The following CYTH1 variants were observed in gnomAD, a reference collection of about 807,000 sequenced individuals.
The protein encoded by CYTH1 is cytohesin 1.
In CYTH1, 18 loss-of-function variants were observed where a neutral mutation model predicts 61.8. The observed-to-expected ratio is 0.29, with a 90% confidence interval of 0.20 to 0.43. CYTH1 has a LOEUF of 0.43. CYTH1 is among the 20% of genes least tolerant of loss of function. CYTH1 has a pLI of 1.00. For missense variants in CYTH1, 336 were observed against 510.5 expected, an observed-to-expected ratio of 0.66 and a Z score of 3.29; for synonymous variants, 174 against 184.3, an observed-to-expected ratio of 0.94 and a Z score of 0.45.
chr17:78,763,473 C>A (rs111267636), intron 1 of CYTH1, among the ~76,000 whole-genome samples: 3 of 152,070 alleles, frequency 2.0e-5, no homozygotes, highest in Non-Finnish European at 4.4e-5. Flanking sequence ...CAAGACCCCC[C>A]ACGGATGCCT....
intron 1 of CYTH1, among the ~76,000 whole-genome samples, chr17:78,756,318 C>T (rs950107375): frequency 2.0e-5 from 3 of 152,006 alleles, no homozygotes; most frequent in African/African-American, 7.2e-5. Context: ...TCAAGTGATC[C>T]ACTCGCCTCG....
chr17:78,687,391 T>A (rs1052858081), intron 11 of CYTH1, among the ~76,000 whole-genome samples: 1 of 152,206 alleles, frequency 6.6e-6, no homozygotes, highest in African/African-American at 2.4e-5. Context: ...TGCCTCAACT[T>A]TAATCCAGAA....
At chr17:78,694,190 C>A (rs1357169866) in intron 10 of CYTH1, among the ~76,000 whole-genome samples, 1 of 152,212 alleles carries the variant, frequency 6.6e-6, no homozygotes, top group Non-Finnish European at 1.5e-5. Flanking sequence ...GTTTTTAGCA[C>A]CCTGCTTGGA....
chr17:78,707,704 C>A (rs12936940), intron 3 of CYTH1, among the ~76,000 whole-genome samples: 1 of 146,380 alleles, frequency 6.8e-6, no homozygotes, highest in East Asian at 2.1e-4. Context: ...TTTTTTGAGA[C>A]GGAGTCTCGC....
chr17:78,680,271 C>T lies in CYTH1; in HGVS notation c.1037G>A (p.Arg346Gln), dbSNP rs770347515. 3 of 1,614,182 alleles carry T rather than the reference C, an allele frequency of 1.9e-6. No individual in the cohort carries two copies. Among genetic ancestry groups the T allele is most frequent in the Non-Finnish European group, 2.5e-6 (3 of 1,180,042 alleles). The change falls in exon 13 of 14, where the codon CGG (arginine) becomes CAG (glutamine). Residue 346 changes from arginine to glutamine, a missense_variant. By Grantham distance (43) the Arg-to-Gln change is conservative (BLOSUM62 1). Coordinates refer to ENST00000446868, the MANE Select transcript of CYTH1 (RefSeq NM_004762.6). Reference protein sequence around the residue: ...IKACKTEADGRVVEGNHTVYR... With the variant: ...IKACKTEADGQVVEGNHTVYR... ...AACAGTGTGGTTCCCCTCCACCACC[C>T]GCCCGTCAGCCTCGGTCTTGCAGGC...
intron 1 of CYTH1, among the ~76,000 whole-genome samples, chr17:78,756,988 CTTTTTTT>C (rs869039489): frequency 4.6e-5 from 6 of 129,766 alleles, no homozygotes; most frequent in Middle Eastern, 3.9e-3. Context: ...TCTTTTTTTT[CTTTTTTT>C]TTTTTTTTTT....
chr17:78,688,098 G>A (rs1032056952), intron 11 of CYTH1, among the ~76,000 whole-genome samples: 2 of 152,206 alleles, frequency 1.3e-5, no homozygotes, highest in African/African-American at 4.8e-5. Context: ...TGGCTAGCCA[G>A]CACTTCTCTA....
chr17:78,739,892 C>G (rs1174833758), intron 1 of CYTH1, among the ~76,000 whole-genome samples: 1 of 152,068 alleles, frequency 6.6e-6, no homozygotes, highest in Admixed American at 6.5e-5. Flanking sequence ...TCAAGGGTGA[C>G]TCCGAGCTTT....
rs137956265 is a variant in CYTH1, at chr17:78,734,477, G to A, written c.23-24745C>T. ...TTTTTTAGAGACAAAGTCTCACTCTGTCACCCAGGCTGGAGTGCAGTGGTA... is the reference window on the plus strand; with the variant it reads ...TTTTTTAGAGACAAAGTCTCACTCTATCACCCAGGCTGGAGTGCAGTGGTA... On this transcript the variant is annotated intron_variant, in intron 1 of 13. Coordinates refer to ENST00000446868, the MANE Select transcript of CYTH1 (RefSeq NM_004762.6). Among the ~76,000 whole-genome samples, 731 of 107,642 alleles carry A rather than the reference G, an allele frequency of 6.8e-3. 37 individuals are homozygous for A. The East Asian group carries it at 0.14, about 21-fold the overall frequency. 70.6% of individuals were successfully genotyped at this position (107,642 alleles called of 152,430 possible).
At chr17:78,770,094 G>A (rs1387026255) in intron 1 of CYTH1, among the ~76,000 whole-genome samples, 4 of 151,488 alleles carry the variant, frequency 2.6e-5, no homozygotes, top group Admixed American at 2.0e-4. Context: ...AGGTTGCAGT[G>A]AGCCGAGATC....
chr17:78,733,972 G>A (rs549193632), intron 1 of CYTH1, among the ~76,000 whole-genome samples: 2 of 152,194 alleles, frequency 1.3e-5, no homozygotes, highest in Admixed American at 6.5e-5. Context: ...AATCAAGGCC[G>A]GGCACAGTGG....
intron 1 of CYTH1, chr17:78,723,740 G>C (rs1201753062): frequency 2.0e-5 from 3 of 152,338 alleles, no homozygotes; most frequent in Admixed American, 2.0e-4. Flanking sequence ...TGCTTTCACT[G>C]CAAGAATGCC....
At chr17:78,729,659 T>C (rs569613954) in intron 1 of CYTH1, among the ~76,000 whole-genome samples, 3 of 152,320 alleles carry the variant, frequency 2.0e-5, no homozygotes, top group South Asian at 4.1e-4. Context: ...AGAGTGGATA[T>C]GCTCCCCAAA....
intron 1 of CYTH1, among the ~76,000 whole-genome samples, chr17:78,767,690 A>C (rs1188229089): frequency 6.6e-6 from 1 of 152,020 alleles, no homozygotes. Context: ...TCAAGCCATA[A>C]TGATTGCAGT....
At chr17:78,769,176 A>C (rs536275759) in intron 1 of CYTH1, among the ~76,000 whole-genome samples, 8 of 151,980 alleles carry the variant, frequency 5.3e-5, no homozygotes, top group Non-Finnish European at 1.0e-4. Context: ...AATCAGCATA[A>C]AATATCCCTG....
intron 10 of CYTH1, among the ~76,000 whole-genome samples, chr17:78,695,261 G>A (rs900888993): frequency 2.0e-5 from 3 of 152,084 alleles, no homozygotes; most frequent in African/African-American, 4.8e-5. Context: ...ACGAGGACTC[G>A]CTGAAAAAGC....
At position 78,726,450 on chromosome 17, in the gene CYTH1, G is replaced by A. The variant is rs149999651; in HGVS notation, c.23-16718C>T. ...GGAAGACACAATGCTGAAAAGACAT[G>A]GTTTCGGCCCTCCAAGAGCTCATGT... On this transcript the variant is annotated intron_variant, in intron 1 of 13. Coordinates refer to ENST00000446868, the MANE Select transcript of CYTH1 (RefSeq NM_004762.6). Among the ~76,000 whole-genome samples the A allele has an allele frequency of 2.1e-4, 32 of 152,218 alleles. No individual in the cohort carries two copies. In the South Asian group the frequency reaches 3.9e-3, roughly 19 times the overall value.
chr17:78,690,062 C>T (rs938775697), intron 11 of CYTH1, among the ~76,000 whole-genome samples: 21 of 151,888 alleles, frequency 1.4e-4, no homozygotes, highest in African/African-American at 5.1e-4. Flanking sequence ...TAGTCTTTTG[C>T]TCTGTTAGGT....
chr17:78,729,242 G>C (rs1197478349), intron 1 of CYTH1, among the ~76,000 whole-genome samples: 1 of 151,930 alleles, frequency 6.6e-6, no homozygotes, highest in Non-Finnish European at 1.5e-5. Flanking sequence ...AGAATAGCTG[G>C]GACTATAAGT....
Sources: allele counts gnomAD v4.1 joint callset (sites outside exome capture counted in the v4.1 genomes callset), GRCh38; gene constraint gnomAD v4.1.1; transcripts MANE v1.5; gene names NCBI Gene and HGNC (gene_info 2026-07-23, HGNC 2026-07-21).